CCDC171: variants seen among roughly 807,000 people sequenced by gnomAD.
The protein encoded by CCDC171 is coiled-coil domain-containing protein 171.
In CCDC171, 177 loss-of-function variants were observed where a neutral mutation model predicts 168.2. The observed-to-expected ratio is 1.05, with a 90% confidence interval of 0.93 to 1.19. The LOEUF is 1.19. CCDC171 is among the 50% of genes most tolerant of loss of function. CCDC171 has a pLI of 0.00. For missense variants in CCDC171, 1,991 were observed against 1,539.0 expected (o/e 1.29, Z -4.91); for synonymous variants, 687 against 540.8 (o/e 1.27, Z -3.75).
intron 10 of CCDC171, among the ~76,000 whole-genome samples, chr9:15,679,465 T>C (rs2049886923): frequency 6.6e-6 from 1 of 152,230 alleles, no homozygotes; most frequent in Non-Finnish European, 1.5e-5. Flanking sequence ...GTCTTCATAT[T>C]AACTTTTCTA....
chr9:15,737,546 GT>G (rs1188233751), intron 16 of CCDC171, among the ~76,000 whole-genome samples: 2 of 152,072 alleles, frequency 1.3e-5, no homozygotes. Flanking sequence ...TCTCTTAACA[GT>G]AAGCAAACCA....
chr9:15,738,904 A>G (rs1040285337), intron 16 of CCDC171, among the ~76,000 whole-genome samples: 3 of 152,176 alleles, frequency 2.0e-5, no homozygotes, highest in African/African-American at 7.2e-5. Context: ...TTATGGGCAA[A>G]ACACTGTGCT....
Position 15,874,668 on chromosome 9 carries a change from G to C in CCDC171, c.3600+5G>C, listed in dbSNP as rs1339886741. On this transcript the variant is annotated splice_donor_5th_base_variant and intron_variant, in intron 24 of 25. Transcript: ENST00000380701. ...CCAGAGGTGGTAGCATGCCAGGTTA[G>C]AGTCTAAATAACATTGTTTGCTACT... 2 of 1,573,050 alleles carry C rather than the reference G, an allele frequency of 1.3e-6. No homozygotes were observed. Among genetic ancestry groups the C allele is most frequent in the East Asian group, 2.3e-5 (1 of 42,864 alleles).
chr9:16,055,526 T>C lies in CCDC171; in HGVS notation n.90-5120T>C, dbSNP rs376820732. Among the ~76,000 whole-genome samples the C allele has an allele frequency of 6.5e-4, 99 of 152,330 alleles. 3 individuals carry two copies. In the South Asian group the frequency reaches 0.02, roughly 31 times the overall value. On this transcript the variant is annotated intron_variant and non_coding_transcript_variant, in intron 1 of 1. Coordinates refer to the CCDC171 transcript ENST00000478913. Reference sequence around the variant, plus strand: ...CCAGGCTCTGTGTGGGGTCCTTTCATGTCCACTGCCCCCTCAGCAACGCCG... The same window carrying C: ...CCAGGCTCTGTGTGGGGTCCTTTCACGTCCACTGCCCCCTCAGCAACGCCG...
At chr9:15,871,647 C>CT (rs2062042129) in intron 23 of CCDC171, among the ~76,000 whole-genome samples, 1 of 151,852 alleles carries the variant, frequency 6.6e-6, no homozygotes, top group African/African-American at 2.4e-5. Flanking sequence ...TGTTCTCAGC[C>CT]TGCCTGTTCT....
At chr9:15,958,869 C>T (rs551133201) in intron 25 of CCDC171, among the ~76,000 whole-genome samples, 1 of 152,208 alleles carries the variant, frequency 6.6e-6, no homozygotes, top group South Asian at 2.1e-4. Context: ...ATACCGAAAT[C>T]ACATGGTTTG....
intron 9 of CCDC171, among the ~76,000 whole-genome samples, chr9:15,672,510 T>G (rs991427247): frequency 6.6e-6 from 1 of 152,206 alleles, no homozygotes; most frequent in Non-Finnish European, 1.5e-5. Context: ...CTTTAATCCA[T>G]CTTGAGTTAA....
chr9:15,691,878 A>G (rs760153568), intron 10 of CCDC171, among the ~76,000 whole-genome samples: 3 of 151,762 alleles, frequency 2.0e-5, no homozygotes, highest in African/African-American at 7.3e-5. Flanking sequence ...GGATCTCACT[A>G]TGTTGCCCAG....
chr9:15,738,535 A>G (rs1471973773), intron 16 of CCDC171, among the ~76,000 whole-genome samples: 4 of 152,146 alleles, frequency 2.6e-5, no homozygotes, highest in Admixed American at 6.5e-5. Flanking sequence ...AGTACTAGGA[A>G]TGCTTTTGTC....
At chr9:15,946,198 T>C (rs1405747231) in intron 25 of CCDC171, among the ~76,000 whole-genome samples, 1 of 151,966 alleles carries the variant, frequency 6.6e-6, no homozygotes, top group East Asian at 2.0e-4. Flanking sequence ...TGTAGATATA[T>C]GGCATTATTT....
At position 15,874,639 on chromosome 9, in the gene CCDC171, C is replaced by T. The variant is rs113144812; in HGVS notation, c.3576C>T (p.Gly1192=). 4.8e-5 allele frequency: 77 copies of T among 1,596,918 alleles called. No homozygotes were observed. The highest frequency in any genetic ancestry group is 1.2e-4 in the South Asian group (11 of 88,360). The change falls in exon 24 of 26, where the codon GGC becomes GGT. Residue 1192 remains glycine (G), a synonymous_variant. Transcript: ENST00000380701. ...CCTTTGCAATGGAGGGGCTCAAGGG[C>T]GGGCCAGAGGTGGTAGCATGCCAGG... ...LETFAMEGLK[G]GPEVVACQAM... is the part of the protein sequence containing the mutation.
intron 21 of CCDC171, among the ~76,000 whole-genome samples, chr9:15,842,314 T>C (rs1011355276): frequency 1.3e-5 from 2 of 152,050 alleles, no homozygotes; most frequent in Non-Finnish European, 2.9e-5. Flanking sequence ...TGTACCCTTA[T>C]GAGAAAGAAC....
chr9:15,926,977 A>G (rs1825965557), intron 25 of CCDC171, among the ~76,000 whole-genome samples: 1 of 151,756 alleles, frequency 6.6e-6, no homozygotes, highest in South Asian at 2.1e-4. Flanking sequence ...GAATCAAGGC[A>G]GCCAGTATGT....
intron 25 of CCDC171, among the ~76,000 whole-genome samples, chr9:15,924,039 A>G (rs1825634400): frequency 6.6e-6 from 1 of 151,496 alleles, no homozygotes; most frequent in African/African-American, 2.4e-5. Context: ...AGGTATATAG[A>G]TAGATCTCTA....
intron 25 of CCDC171, among the ~76,000 whole-genome samples, chr9:15,941,059 C>T (rs765951088): frequency 6.6e-6 from 1 of 151,904 alleles, no homozygotes. Context: ...TCTGTCATAG[C>T]CTTCCATGCC....
In CCDC171 at chr9:15,971,830, A is replaced by T. The variant is rs373498545; in HGVS notation, c.3975A>T (p.Gly1325=). ...SANANRPTQI[G]L is the part of the protein sequence containing the mutation. Reference sequence around the variant, plus strand: ...ATGCCAACAGACCAACTCAGATTGGATTATGACTTCATGAAATTAAAAAAT... The same window carrying T: ...ATGCCAACAGACCAACTCAGATTGGTTTATGACTTCATGAAATTAAAAAAT... Residue 1325 remains glycine, a synonymous_variant, in exon 26 of 26, where the codon GGA becomes GGT. Transcript: ENST00000380701. 30 of 1,610,422 alleles carry T rather than the reference A, an allele frequency of 1.9e-5. No individual in the cohort carries two copies. The African/African-American group carries it at 3.3e-4, about 18-fold the overall frequency.
At chr9:16,093,600 G>A in the CCDC171 span, among the ~76,000 whole-genome samples, 12 of 152,208 alleles carry the variant, frequency 7.9e-5, no homozygotes, top group Admixed American at 3.3e-4. Context: ...ATTGATTTCT[G>A]TGCCTCTTCT....
chr9:15,925,308 C>G (rs1456511042), intron 25 of CCDC171, among the ~76,000 whole-genome samples: 1 of 151,292 alleles, frequency 6.6e-6, no homozygotes, highest in Non-Finnish European at 1.5e-5. Context: ...AGGAATTATC[C>G]AATGATGCAA....
In CCDC171 at chr9:15,610,444, T is replaced by TAAAAAAAAAAAA. The variant is rs754593075; in HGVS notation, c.676-12797_676-12786dup. Among the ~76,000 whole-genome samples the TAAAAAAAAAAAA allele has an allele frequency of 5.5e-4, 7 of 12,724 alleles. 3 individuals are homozygous for TAAAAAAAAAAAA. Among genetic ancestry groups the TAAAAAAAAAAAA allele is most frequent in the Admixed American group, 2.8e-3 (2 of 704 alleles). The allele number at this position is 12,724 out of a possible 152,430, so 8.3% of individuals were successfully genotyped here. A position where few individuals can be genotyped will look rare whatever the true frequency, so the allele number is the denominator to read the frequency against. On this transcript the variant is annotated intron_variant, in intron 6 of 25. Transcript: ENST00000380701. ...CAACATGGTGAAACCCCATCTCAACTAAAAAAAAAAAAAAAAAAAAAAAAA... is the reference window on the plus strand; with the variant it reads ...CAACATGGTGAAACCCCATCTCAACTAAAAAAAAAAAAAAAAAAAAAAAAAAAAAAAAAAAAA...
Sources: gnomAD v4.1 joint callset for allele counts (sites outside exome capture counted in the v4.1 genomes callset) on GRCh38, gnomAD v4.1.1 for gene constraint, MANE v1.5 for transcripts, NCBI Gene and HGNC (gene_info 2026-07-23, HGNC 2026-07-21) for gene names.